Variants in FARP1 observed in about 807,000 individuals in gnomAD.
FARP1 encodes the protein FERM, ARH/RhoGEF and pleckstrin domain protein 1, also known as FERM, ARHGEF and pleckstrin domain-containing protein 1.
In FARP1, 52 loss-of-function variants were observed where a neutral mutation model predicts 128.8. That is an observed-to-expected ratio of 0.40 (90% CI 0.32 to 0.51). FARP1 has a LOEUF of 0.51. Ranked by LOEUF, FARP1 falls within the 20% of genes least tolerant of loss-of-function variation. The pLI is 0.45. For missense variants in FARP1, 1,333 were observed against 1,367.9 expected (o/e 0.97, Z 0.40); for synonymous variants, 580 against 551.8 (o/e 1.05, Z -0.72).
chr13:98,330,104 C>G (rs1305995839), intron 2 of FARP1: 3 of 152,346 alleles, frequency 2.0e-5, no homozygotes, highest in Admixed American at 6.5e-5. Context: ...TTTCTGGGGA[C>G]AGAGTGTTCC....
intron 1 of FARP1, among the ~76,000 whole-genome samples, chr13:98,162,363 A>G (rs115535146): frequency 7.2e-5 from 11 of 152,302 alleles, no homozygotes; most frequent in African/African-American, 2.6e-4. Flanking sequence ...TTGCCTTCTC[A>G]TCGATGTGCA....
intron 3 of FARP1, among the ~76,000 whole-genome samples, chr13:98,363,844 T>C (rs1272918266): frequency 5.3e-5 from 8 of 152,230 alleles, no homozygotes; most frequent in Non-Finnish European, 1.0e-4. Flanking sequence ...TGGGTTCAAG[T>C]GATTCTCCTG....
intron 8 of FARP1, 63 bp from the exon 9 acceptor site, chr13:98,388,320 A>T: frequency 7.7e-7 from 1 of 1,299,550 alleles, no homozygotes; most frequent in Non-Finnish European, 1.1e-6. Context: ...TAAGCAAAAC[A>T]GACCAACTCC....
chr13:98,161,855 C>T (rs1288427481), intron 1 of FARP1, among the ~76,000 whole-genome samples: 1 of 152,076 alleles, frequency 6.6e-6, no homozygotes, highest in African/African-American at 2.4e-5. Flanking sequence ...TCTTAGCTCA[C>T]TGCAGCCTCA....
chr13:98,318,594 G>A (rs770458010), intron 2 of FARP1, among the ~76,000 whole-genome samples: 3 of 152,210 alleles, frequency 2.0e-5, no homozygotes, highest in Non-Finnish European at 4.4e-5. Context: ...AGGCACCCTG[G>A]CATCTCCCTG....
At chr13:98,223,171 C>T (rs921294469) in intron 2 of FARP1, among the ~76,000 whole-genome samples, 4 of 152,208 alleles carry the variant, frequency 2.6e-5, no homozygotes, top group African/African-American at 9.6e-5. Context: ...AGTGGGAGAG[C>T]ACCTGCAGTC....
intron 2 of FARP1, among the ~76,000 whole-genome samples, chr13:98,251,078 T>G (rs754218552): frequency 6.6e-6 from 1 of 152,186 alleles, no homozygotes; most frequent in Non-Finnish European, 1.5e-5. Context: ...CTTAGAAAAA[T>G]GACGATTTCT....
intron 20 of FARP1, 76 bp from the exon 21 acceptor site, chr13:98,439,031 T>C: frequency 7.1e-7 from 1 of 1,412,584 alleles, no homozygotes; most frequent in Non-Finnish European, 1.0e-6. Context: ...GAAGGCACAG[T>C]TGAGGACAGG....
chr13:98,430,704 T>G (rs1410077006), intron 17 of FARP1, among the ~76,000 whole-genome samples: 1 of 152,224 alleles, frequency 6.6e-6, no homozygotes, highest in African/African-American at 2.4e-5. Flanking sequence ...ACCACAGCCC[T>G]CCTTAAGGAG....
At chr13:98,159,265 T>C (rs1224477693) in intron 1 of FARP1, among the ~76,000 whole-genome samples, 1 of 152,120 alleles carries the variant, frequency 6.6e-6, no homozygotes, top group Non-Finnish European at 1.5e-5. Flanking sequence ...AGGTATTCGT[T>C]TGACAGGAAG....
At chr13:98,385,999 T>C in intron 8 of FARP1, 185 bp downstream of exon 8, 1 of 605,634 alleles carries the variant, frequency 1.7e-6, no homozygotes. Context: ...TCTATTTCAC[T>C]TACCTTTGCC....
At chr13:98,203,371 A>G (rs1271581391) in intron 1 of FARP1, among the ~76,000 whole-genome samples, 1 of 152,226 alleles carries the variant, frequency 6.6e-6, no homozygotes, top group Non-Finnish European at 1.5e-5. Flanking sequence ...CTCCCCAAAA[A>G]GACCACAATT....
chr13:98,196,402 G>A (rs2139251424), intron 1 of FARP1, among the ~76,000 whole-genome samples: 1 of 152,274 alleles, frequency 6.6e-6, no homozygotes, highest in South Asian at 2.1e-4. Context: ...TTCCTCATCT[G>A]TAAAAAGGGG....
chr13:98,177,468 G>A (rs539566940), intron 1 of FARP1, among the ~76,000 whole-genome samples: 134 of 143,564 alleles, frequency 9.3e-4, no homozygotes, highest in African/African-American at 3.2e-3. Context: ...CCAACATAGC[G>A]AAACTCCATC....
intron 2 of FARP1, chr13:98,244,483 C>CT: frequency 1.2e-6 from 2 of 1,613,474 alleles, no homozygotes; most frequent in Non-Finnish European, 1.7e-6. Context: ...GCTCTCCTCT[C>CT]TTCCCAGATG....
At chr13:98,194,219 C>T (rs1333028249) in intron 1 of FARP1, among the ~76,000 whole-genome samples, 6 of 152,050 alleles carry the variant, frequency 3.9e-5, no homozygotes, top group Admixed American at 1.3e-4. Context: ...TGGGTTCAAG[C>T]GATTCTCCTG....
chr13:98,165,677 A>AT (rs1198227219), intron 1 of FARP1, among the ~76,000 whole-genome samples: 1 of 24,130 alleles, frequency 4.1e-5, no homozygotes, highest in African/African-American at 5.7e-5. Flanking sequence ...ATCTCTCATC[A>AT]TTAAAAAAAA....
intron 24 of FARP1, among the ~76,000 whole-genome samples, chr13:98,443,418 T>TAG: frequency 6.6e-6 from 1 of 152,218 alleles, no homozygotes; most frequent in Non-Finnish European, 1.5e-5. Flanking sequence ...CAGGCAGCCC[T>TAG]CATGTGCCAG....
chr13:98,166,697 TG>T (rs1877286469), intron 1 of FARP1, among the ~76,000 whole-genome samples: 1 of 151,788 alleles, frequency 6.6e-6, no homozygotes, highest in Non-Finnish European at 1.5e-5. Context: ...TGTCCTAATC[TG>T]ATCAGTGAGA....
Sources: gnomAD v4.1 joint callset for allele counts (sites outside exome capture counted in the v4.1 genomes callset) on GRCh38, gnomAD v4.1.1 for gene constraint, MANE v1.5 for transcripts, NCBI Gene and HGNC (gene_info 2026-07-23, HGNC 2026-07-21) for gene names.